COMMD10: variants seen among roughly 807,000 people sequenced by gnomAD.
COMMD10 encodes COMM domain containing 10, also known as COMM domain-containing protein 10.
Under a neutral mutation model 28.9 loss-of-function variants are expected in COMMD10, and 33 were observed. The ratio of observed to expected loss-of-function variants is 1.14; its 90% CI spans 0.87 to 1.53. The LOEUF (loss-of-function observed/expected upper bound fraction) is 1.53, where lower values mean the gene tolerates loss of function less well. COMMD10 is among the 40% of genes most tolerant of loss of function. The probability of loss-of-function intolerance (pLI) is 0.00; values close to 1 mark genes in which losing one functional copy is unlikely to be tolerated. For synonymous variants in COMMD10, 110 were observed against 81.7 expected, an observed-to-expected ratio of 1.35 and a Z score of -1.87; for missense variants, 310 against 233.4, an observed-to-expected ratio of 1.33 and a Z score of -2.14.
At chr5:116,127,242 G>A (rs1213123594) in intron 4 of COMMD10, among the ~76,000 whole-genome samples, 1 of 152,196 alleles carries the variant, frequency 6.6e-6, no homozygotes, top group Non-Finnish European at 1.5e-5. Context: ...CCTCACACCA[G>A]TTAGAATGGC....
chr5:116,136,939 C>T (rs1254336345), intron 5 of COMMD10, among the ~76,000 whole-genome samples: 2 of 152,028 alleles, frequency 1.3e-5, no homozygotes, highest in African/African-American at 4.8e-5. Flanking sequence ...TGGCATTGTA[C>T]ACATTTTGTG....
intron 5 of COMMD10, among the ~76,000 whole-genome samples, chr5:116,169,046 A>G (rs1753228944): frequency 6.6e-6 from 1 of 152,190 alleles, no homozygotes; most frequent in African/African-American, 2.4e-5. Flanking sequence ...TCAAAAAAAA[A>G]TCAATGAATC....
At chr5:116,289,954 G>A (rs969099615) in intron 5 of COMMD10, among the ~76,000 whole-genome samples, 1 of 151,818 alleles carries the variant, frequency 6.6e-6, no homozygotes, top group South Asian at 2.1e-4. Flanking sequence ...TGTTTTCGAA[G>A]TTACATTTCT....
intron 5 of COMMD10, among the ~76,000 whole-genome samples, chr5:116,195,108 T>C (rs1041575359): frequency 1.3e-5 from 2 of 152,040 alleles, no homozygotes; most frequent in South Asian, 2.1e-4. Flanking sequence ...TTCAACAAAA[T>C]CCAGCATTCT....
chr5:116,272,583 G>A (rs970020865), intron 5 of COMMD10, among the ~76,000 whole-genome samples: 1 of 151,696 alleles, frequency 6.6e-6, no homozygotes, highest in African/African-American at 2.4e-5. Context: ...TTCATCTCTT[G>A]GTAGCCATTG....
intron 5 of COMMD10, chr5:116,218,039 G>T: frequency 1.8e-6 from 2 of 1,104,176 alleles, no homozygotes; most frequent in Non-Finnish European, 2.7e-6. Flanking sequence ...GGCACCTCCA[G>T]CACCTTCAGC....
chr5:116,099,195 T>C (rs1035320329), intron 4 of COMMD10, among the ~76,000 whole-genome samples: 4 of 152,178 alleles, frequency 2.6e-5, no homozygotes, highest in Non-Finnish European at 4.4e-5. Context: ...ACTTTTAGAG[T>C]ATGCGTATAA....
At chr5:116,186,399 A>T (rs1282605106) in intron 5 of COMMD10, among the ~76,000 whole-genome samples, 1 of 151,182 alleles carries the variant, frequency 6.6e-6, no homozygotes, top group Admixed American at 6.6e-5. Context: ...TTCTAGCTCT[A>T]AGCACTTTTT....
At chr5:116,246,390 A>G (rs76881376) in intron 5 of COMMD10, among the ~76,000 whole-genome samples, 8,065 of 152,206 alleles carry the variant, frequency 0.053, 297 homozygotes, top group African/African-American at 0.11. Flanking sequence ...AATGTCATTA[A>G]AAATGGCCAT....
At chr5:116,087,146 C>G (rs1750129795) in intron 1 of COMMD10, among the ~76,000 whole-genome samples, 1 of 152,178 alleles carries the variant, frequency 6.6e-6, no homozygotes, top group Non-Finnish European at 1.5e-5. Context: ...TGCTATTCCT[C>G]TCCTCCCACC....
chr5:116,240,584 T>C (rs770066869), intron 5 of COMMD10, among the ~76,000 whole-genome samples: 4 of 152,128 alleles, frequency 2.6e-5, no homozygotes, highest in Admixed American at 1.3e-4. Flanking sequence ...CTTTAAGCCA[T>C]GTTGCATGAG....
intron 5 of COMMD10, among the ~76,000 whole-genome samples, chr5:116,155,356 A>C (rs943320158): frequency 1.3e-5 from 2 of 152,134 alleles, no homozygotes; most frequent in African/African-American, 4.8e-5. Context: ...ATGCCATCAG[A>C]ATCTTCAGAT....
chr5:116,107,020 A>G (rs1388280237), intron 4 of COMMD10, among the ~76,000 whole-genome samples: 1 of 152,170 alleles, frequency 6.6e-6, no homozygotes, highest in Non-Finnish European at 1.5e-5. Flanking sequence ...TCCTGTCATT[A>G]TGATGGTAGC....
intron 5 of COMMD10, among the ~76,000 whole-genome samples, chr5:116,289,574 A>G (rs1358874642): frequency 6.6e-6 from 1 of 151,842 alleles, no homozygotes; most frequent in Non-Finnish European, 1.5e-5. Flanking sequence ...TTTAATTAAT[A>G]CAGAAACCAG....
Position 116,287,317 on chromosome 5 carries a change from CATT to C in COMMD10, c.511-4197_511-4195del, listed in dbSNP as rs145974303. Among the ~76,000 whole-genome samples the C allele has an allele frequency of 4.9e-3, 750 of 151,744 alleles. 8 individuals are homozygous for C. The highest frequency in any genetic ancestry group is 0.034 in the Middle Eastern group (10 of 294). Reference sequence around the variant, plus strand: ...TTTCCTGGTAAATTGACCCTTTTGTCATTATATAATGTCTTTCTTTGTGTCTTG... The same window carrying C: ...TTTCCTGGTAAATTGACCCTTTTGTCATATAATGTCTTTCTTTGTGTCTTG... On this transcript the variant is annotated intron_variant, in intron 5 of 6. Coordinates refer to ENST00000274458, the MANE Select transcript of COMMD10 (RefSeq NM_016144.4).
intron 2 of COMMD10, among the ~76,000 whole-genome samples, chr5:116,089,468 C>T (rs1245731792): frequency 6.6e-6 from 1 of 152,138 alleles, no homozygotes; most frequent in African/African-American, 2.4e-5. Flanking sequence ...TGGGTGCTTG[C>T]TTATGTATAA....
chr5:116,182,554 A>G (rs1320228534), intron 5 of COMMD10, among the ~76,000 whole-genome samples: 2 of 152,102 alleles, frequency 1.3e-5, no homozygotes, highest in African/African-American at 4.8e-5. Context: ...TTTCTCAGAT[A>G]TTAATAAAAT....
At position 116,087,575 on chromosome 5, in the gene COMMD10, A is replaced by G. The variant is rs1750148544; in HGVS notation, c.120A>G (p.Lys40=). Residue 40 remains lysine (K), a synonymous_variant, in exon 2 of 7, where the codon AAA becomes AAG. Transcript: ENST00000274458. ...GGTTGCTCACTCGGATTCTTCAAAA[A>G]CTTCACCTGAAGGTTTGTATTTGTG... ...FPRLLTRILQ[K]LHLKAESSFS... is the part of the protein sequence containing the mutation. 1.2e-6 allele frequency: 2 copies of G among 1,602,682 alleles called. No individual in the cohort carries two copies. The highest frequency in any genetic ancestry group is 2.2e-5 in the South Asian group (2 of 90,874).
chr5:116,112,408 T>C (rs950809038), intron 4 of COMMD10, among the ~76,000 whole-genome samples: 3 of 151,898 alleles, frequency 2.0e-5, no homozygotes, highest in Non-Finnish European at 4.4e-5. Flanking sequence ...TTTTTTTTCT[T>C]TTTTTTTGAG....
Sources: allele counts gnomAD v4.1 joint callset (sites outside exome capture counted in the v4.1 genomes callset), GRCh38; gene constraint gnomAD v4.1.1; transcripts MANE v1.5; gene names NCBI Gene and HGNC (gene_info 2026-07-23, HGNC 2026-07-21).